PREX2: variants seen among roughly 807,000 people sequenced by gnomAD.
The protein encoded by PREX2 is phosphatidylinositol 3,4,5-trisphosphate-dependent Rac exchanger 2 protein.
A neutral mutation model predicts 203.2 loss-of-function variants in PREX2; 107 were observed. The ratio of observed to expected loss-of-function variants is 0.53; its 90% CI spans 0.45 to 0.62. The LOEUF (loss-of-function observed/expected upper bound fraction) is 0.62. PREX2 is among the 20% of genes least tolerant of loss of function. The pLI is 0.00. For missense variants in PREX2, 1,777 were observed against 1,955.9 expected, an observed-to-expected ratio of 0.91 and a Z score of 1.72; for synonymous variants, 672 against 663.6, an observed-to-expected ratio of 1.01 and a Z score of -0.19.
At chr8:68,028,100 C>T (rs898112528) in intron 5 of PREX2, among the ~76,000 whole-genome samples, 4 of 151,892 alleles carry the variant, frequency 2.6e-5, no homozygotes, top group Admixed American at 6.6e-5. Flanking sequence ...GGCATGTAAT[C>T]GAACCTCTTA....
intron 31 of PREX2, among the ~76,000 whole-genome samples, chr8:68,130,282 G>GCT (rs34061518): frequency 0.43 from 65,783 of 151,440 alleles, 14,485 homozygotes; most frequent in South Asian, 0.51. Context: ...AGAGCAAGAT[G>GCT]CTCTCTTAAA....
chr8:68,026,910 C>T (rs1807733252), intron 4 of PREX2, among the ~76,000 whole-genome samples: 1 of 152,086 alleles, frequency 6.6e-6, no homozygotes, highest in African/African-American at 2.4e-5. Flanking sequence ...TCTGTTTATC[C>T]ACCACTTATC....
At chr8:68,228,934 C>A (rs1813108570) in intron 39 of PREX2, among the ~76,000 whole-genome samples, 1 of 124,816 alleles carries the variant, frequency 8.0e-6, no homozygotes, top group African/African-American at 3.2e-5. Context: ...AGAGTGAGAC[C>A]TTGTCTCTTT....
intron 1 of PREX2, among the ~76,000 whole-genome samples, chr8:68,001,876 G>A (rs1806946582): frequency 6.6e-6 from 1 of 152,152 alleles, no homozygotes; most frequent in Non-Finnish European, 1.5e-5. Flanking sequence ...TCACTTACAA[G>A]TGGGAGCTAA....
At position 68,017,859 on chromosome 8, in the gene PREX2, G is replaced by C; in HGVS notation, c.155G>C (p.Arg52Thr). The C allele has an allele frequency of 6.2e-7, 1 of 1,612,532 alleles. No individual in the cohort carries two copies. Among genetic ancestry groups the C allele is most frequent in the Non-Finnish European group, 8.5e-7 (1 of 1,179,054 alleles). ...TGTTTCATGCAGGCATTCTTACACA[G>C]AATGAACCAGTGTGCAGCATCAAAA... ...LEFLVSAFLH[R>T]MNQCAASKVD... The change falls in exon 2 of 40, where the codon AGA becomes ACA. Residue 52 changes from arginine (R) to threonine (T), a missense_variant. By Grantham distance (71) the Arg-to-Thr change is moderately conservative. Transcript: ENST00000288368.
chr8:68,100,651 C>T (rs545516535), intron 23 of PREX2, among the ~76,000 whole-genome samples: 146 of 152,220 alleles, frequency 9.6e-4, no homozygotes, highest in African/African-American at 3.4e-3. Flanking sequence ...GGTTGGTGGC[C>T]GGGCTTAAGG....
intron 23 of PREX2, chr8:68,101,545 A>T (rs1474151076): frequency 6.2e-6 from 3 of 480,700 alleles, no homozygotes; most frequent in Non-Finnish European, 1.2e-5. Context: ...AGGACAGAAG[A>T]TTCTTTTCTT....
At chr8:68,230,367 T>C (rs994001473) in intron 39 of PREX2, among the ~76,000 whole-genome samples, 2 of 152,208 alleles carry the variant, frequency 1.3e-5, no homozygotes, top group Non-Finnish European at 2.9e-5. Flanking sequence ...ATCTGCAGCT[T>C]ATATTTTGAC....
At chr8:67,995,706 C>T (rs12335158) in intron 1 of PREX2, among the ~76,000 whole-genome samples, 22,477 of 152,070 alleles carry the variant, frequency 0.15, 2,330 homozygotes, top group African/African-American at 0.3. Context: ...CTAATGAGAA[C>T]GTAATTTGTT....
intron 14 of PREX2, among the ~76,000 whole-genome samples, chr8:68,073,743 G>A (rs970586858): frequency 6.6e-6 from 1 of 152,136 alleles, no homozygotes. Context: ...CATTATTGGA[G>A]TTGGACTTTC....
intron 35 of PREX2, among the ~76,000 whole-genome samples, chr8:68,174,511 T>A (rs1811941264): frequency 6.6e-6 from 1 of 152,150 alleles, no homozygotes; most frequent in African/African-American, 2.4e-5. Context: ...TAGAATGACA[T>A]CCATTTCACT....
intron 19 of PREX2, among the ~76,000 whole-genome samples, chr8:68,088,117 A>G (rs1809757082): frequency 6.6e-6 from 1 of 152,226 alleles, no homozygotes; most frequent in East Asian, 1.9e-4. Context: ...GATTTCAAGT[A>G]ATTGTATTTC....
intron 33 of PREX2, among the ~76,000 whole-genome samples, chr8:68,144,777 T>A (rs1027696745): frequency 5.3e-5 from 8 of 152,144 alleles, no homozygotes; most frequent in Admixed American, 3.9e-4. Flanking sequence ...TTTAGTGCTC[T>A]TAGTTTGAAC....
chr8:68,178,112 A>G (rs1457485855), intron 35 of PREX2, among the ~76,000 whole-genome samples: 3 of 151,988 alleles, frequency 2.0e-5, no homozygotes, highest in Non-Finnish European at 2.9e-5. Flanking sequence ...ATGTGCATGC[A>G]TCTTTATAAT....
At chr8:68,210,279 CATA>C (rs1481870096) in intron 37 of PREX2, among the ~76,000 whole-genome samples, 7 of 152,184 alleles carry the variant, frequency 4.6e-5, no homozygotes, top group African/African-American at 1.4e-4. Context: ...GCAACATCTA[CATA>C]ATGTCAATTT....
At chr8:68,136,881 C>G (rs936827949) in intron 32 of PREX2, among the ~76,000 whole-genome samples, 1 of 151,966 alleles carries the variant, frequency 6.6e-6, no homozygotes, top group Non-Finnish European at 1.5e-5. Flanking sequence ...TGATGCTGCC[C>G]CCAGATTTGG....
At chr8:68,185,304 C>A (rs1460304040) in intron 35 of PREX2, among the ~76,000 whole-genome samples, 1 of 152,106 alleles carries the variant, frequency 6.6e-6, no homozygotes, top group Non-Finnish European at 1.5e-5. Flanking sequence ...AATGTGGATT[C>A]AGCCTACTTA....
intron 39 of PREX2, among the ~76,000 whole-genome samples, chr8:68,228,459 C>T (rs1049694900): frequency 1.1e-4 from 17 of 151,688 alleles, no homozygotes; most frequent in Admixed American, 9.9e-4. Context: ...CCTGTCTTTA[C>T]ATAAAATAAA....
At chr8:68,155,975 A>ATATTTCTT (rs1338721116) in intron 34 of PREX2, among the ~76,000 whole-genome samples, 7 of 152,228 alleles carry the variant, frequency 4.6e-5, no homozygotes, top group African/African-American at 1.4e-4. Context: ...TATTACATTA[A>ATATTTCTT]TATTTCTTAA....
Sources: gnomAD v4.1 joint callset for allele counts (sites outside exome capture counted in the v4.1 genomes callset) on GRCh38, gnomAD v4.1.1 for gene constraint, MANE v1.5 for transcripts, NCBI Gene and HGNC (gene_info 2026-07-23, HGNC 2026-07-21) for gene names.